OASL: variants seen among roughly 807,000 people sequenced by gnomAD.
OASL encodes 2'-5'-oligoadenylate synthase-like protein.
OASL carries 28 observed loss-of-function variants against 35.3 expected under a neutral mutation model. The observed-to-expected ratio is 0.79, with a 90% confidence interval of 0.59 to 1.09. OASL has a LOEUF of 1.09. Ranked by LOEUF, OASL falls within the 50% of genes least tolerant of loss-of-function variation. OASL has a pLI of 0.00. For missense variants in OASL, 620 were observed against 635.2 expected, an observed-to-expected ratio of 0.98 and a Z score of 0.26; for synonymous variants, 252 against 254.6, an observed-to-expected ratio of 0.99 and a Z score of 0.10.
chr12:121,031,727 C>T, intron 2 of OASL, 110 bp from the exon 3 acceptor site: 2 of 807,736 alleles, frequency 2.5e-6, no homozygotes, highest in Non-Finnish European at 4.0e-6. Flanking sequence ...CCTCCAGGGA[C>T]ACTTGAGACC....
intron 5 of OASL, among the ~76,000 whole-genome samples, chr12:121,022,566 C>G (rs899021755): frequency 6.6e-6 from 1 of 152,172 alleles, no homozygotes; most frequent in Admixed American, 6.5e-5. Flanking sequence ...GTATATTTTC[C>G]AGCCCATGGG....
At chr12:121,033,128 C>A (rs964089859) in intron 2 of OASL, among the ~76,000 whole-genome samples, 1 of 151,890 alleles carries the variant, frequency 6.6e-6, no homozygotes, top group African/African-American at 2.4e-5. Context: ...ATTTCACCAT[C>A]TTGGCCAGGC....
chr12:121,038,890 C>G (rs138743509), exon 1 of OASL: 6 of 1,614,178 alleles, frequency 3.7e-6, no homozygotes, highest in Admixed American at 3.3e-5. Context: ...TCCTTCCACT[C>G]CCGGTGGGGC....
chr12:121,019,217 C>A (rs888307306), exon 6 of OASL: 1 of 152,082 alleles, frequency 6.6e-6, no homozygotes, highest in Admixed American at 6.6e-5. Context: ...ACTGGAACAG[C>A]CTGTCTACCT....
At chr12:121,023,439 C>A (rs531537501) in intron 5 of OASL, among the ~76,000 whole-genome samples, 55 of 151,930 alleles carry the variant, frequency 3.6e-4, no homozygotes, top group Non-Finnish European at 5.7e-4. Context: ...TAGGCACCTG[C>A]CACCACGCCC....
intron 1 of OASL, among the ~76,000 whole-genome samples, chr12:121,037,164 G>A (rs1359499585): frequency 7.9e-5 from 12 of 152,126 alleles, no homozygotes; most frequent in Admixed American, 7.9e-4. Flanking sequence ...TGGGAGTCAG[G>A]GGTCCTAATT....
chr12:121,037,203 G>T (rs924273670), intron 1 of OASL, among the ~76,000 whole-genome samples: 1 of 152,198 alleles, frequency 6.6e-6, no homozygotes, highest in African/African-American at 2.4e-5. Flanking sequence ...CCAACTCGCT[G>T]TGTGACCTTG....
downstream of OASL, among the ~76,000 whole-genome samples, chr12:121,017,788 A>G (rs1869066561): frequency 6.6e-6 from 1 of 152,240 alleles, no homozygotes; most frequent in South Asian, 2.1e-4. Context: ...TTATTCCAGA[A>G]TTGCAAGGAA....
rs1206945813 is a variant in OASL, at chr12:121,021,024, C to G, written c.1082G>C (p.Arg361Thr). 4.4e-6 allele frequency: 7 copies of G among 1,605,338 alleles called. No individual in the cohort carries two copies. In the Admixed American group the frequency reaches 1.2e-4, roughly 27 times the overall value. Residue 361 changes from arginine (R) to threonine (T), a missense_variant, in exon 6 of 6, where the codon AGG becomes ACG. Arg to Thr is a moderately conservative substitution (Grantham distance 71, BLOSUM62 -1). Transcript: ENST00000257570. The stretch of plus-strand genomic sequence containing the variant: ...GATGAGGTTGAAATCTGGGTAACCC[C>G]TCTGCTCCACTGTCAAGTGGATGTC...
chr12:121,038,671 A>G (rs572536727), intron 1 of OASL, 103 bp downstream of exon 1: 5 of 1,094,768 alleles, frequency 4.6e-6, no homozygotes, highest in South Asian at 2.7e-5. Flanking sequence ...TGTCATCAGC[A>G]TGGGCTAGGG....
chr12:121,021,187 G>T, intron 5 of OASL, 129 bp from the exon 6 acceptor site: 1 of 925,928 alleles, frequency 1.1e-6, no homozygotes. Flanking sequence ...TGTTTAGGGA[G>T]TGGTAAGCAC....
chr12:121,021,990 G>A (rs912084710), intron 5 of OASL, among the ~76,000 whole-genome samples: 2 of 151,832 alleles, frequency 1.3e-5, no homozygotes, highest in Admixed American at 6.6e-5. Flanking sequence ...AACTCACTGC[G>A]CCTTGACCTC....
At chr12:121,024,221 G>A (rs762013143) in intron 4 of OASL, 84 bp from the exon 5 acceptor site, 96 of 1,458,404 alleles carry the variant, frequency 6.6e-5, no homozygotes, top group Middle Eastern at 2.0e-4. Context: ...CAATTATTTC[G>A]TCCAGCCACT....
chr12:121,020,551 C>A, exon 6 of OASL: 1 of 1,591,924 alleles, frequency 6.3e-7, no homozygotes, highest in Non-Finnish European at 8.6e-7. Flanking sequence ...GAGAAGTCTC[C>A]CAGAGAAAAC....
At chr12:121,038,113 T>C (rs1870028794) in intron 1 of OASL, among the ~76,000 whole-genome samples, 1 of 151,922 alleles carries the variant, frequency 6.6e-6, no homozygotes, top group South Asian at 2.1e-4. Context: ...CATTTTATTA[T>C]CAAAAAGTTA....
intron 5 of OASL, among the ~76,000 whole-genome samples, chr12:121,022,105 T>C (rs965354308): frequency 1.3e-5 from 2 of 148,178 alleles, no homozygotes; most frequent in African/African-American, 5.0e-5. Flanking sequence ...TTTTTTTTTT[T>C]CAGATGGAAT....
chr12:121,033,540 A>C, exon 2 of OASL: 1 of 1,614,168 alleles, frequency 6.2e-7, no homozygotes, highest in African/African-American at 1.3e-5. Flanking sequence ...AGACGAGAGC[A>C]TCGGGGACTC....
At chr12:121,034,162 G>A (rs1444321718) in intron 1 of OASL, among the ~76,000 whole-genome samples, 1 of 151,358 alleles carries the variant, frequency 6.6e-6, no homozygotes, top group Non-Finnish European at 1.5e-5. Flanking sequence ...ATTTGTCTCA[G>A]GTCTCGCAGT....
At chr12:121,026,478 A>C (rs1359009289) in intron 4 of OASL, among the ~76,000 whole-genome samples, 1 of 152,168 alleles carries the variant, frequency 6.6e-6, no homozygotes, top group Non-Finnish European at 1.5e-5. Flanking sequence ...ACAGTGAGAC[A>C]GATAAGGGAA....
Sources: allele counts gnomAD v4.1 joint callset (sites outside exome capture counted in the v4.1 genomes callset), GRCh38; gene constraint gnomAD v4.1.1; transcripts MANE v1.5; gene names NCBI Gene and HGNC (gene_info 2026-07-23, HGNC 2026-07-21).